CPA6: variants seen among roughly 807,000 people sequenced by gnomAD.
CPA6 encodes the protein carboxypeptidase B.
Under a neutral mutation model 63.3 loss-of-function variants are expected in CPA6, and 58 were observed. The observed-to-expected ratio is 0.92, with a 90% CI of 0.74 to 1.14. CPA6 has a LOEUF of 1.14. CPA6 is among the 50% of genes most tolerant of loss of function. CPA6 has a pLI of 0.00. For synonymous variants in CPA6, 185 were observed against 179.0 expected (o/e 1.03, Z -0.27); for missense variants, 565 against 526.6 (o/e 1.07, Z -0.71).
rs1206518472 is a variant in CPA6 at position 67,629,208 on chromosome 8, C to A, written c.117-4957G>T. Among the ~76,000 whole-genome samples the A allele has an allele frequency of 7.9e-5, 12 of 152,138 alleles. No individual in the cohort carries two copies. The East Asian group carries it at 1.7e-3, about 22-fold the overall frequency. On this transcript the variant is annotated intron_variant, in intron 1 of 10. Coordinates refer to ENST00000297770, the MANE Select transcript of CPA6 (RefSeq NM_020361.5). ...CATAGCTGGGTGTGGTGACTCATAC[C>A]TGCAATTCCAGAACTTGGGAGGCTG...
chr8:67,503,468 A>AT (rs869172205), intron 6 of CPA6, among the ~76,000 whole-genome samples: 6,776 of 126,042 alleles, frequency 0.054, 238 homozygotes, highest in African/African-American at 0.076. Context: ...AGCTAATTAA[A>AT]TTTTTTTTTT....
chr8:67,583,954 G>A (rs1482558027), intron 2 of CPA6, among the ~76,000 whole-genome samples: 2 of 151,880 alleles, frequency 1.3e-5, no homozygotes, highest in Non-Finnish European at 2.9e-5. Flanking sequence ...TCAGGAGATC[G>A]AGACCATCCT....
intron 2 of CPA6, among the ~76,000 whole-genome samples, chr8:67,549,508 C>T (rs990752849): frequency 6.6e-6 from 1 of 151,976 alleles, no homozygotes; most frequent in African/African-American, 2.4e-5. Flanking sequence ...TAAAATTTAC[C>T]CTCTCAGAAA....
intron 1 of CPA6, among the ~76,000 whole-genome samples, chr8:67,715,100 T>C (rs553978820): frequency 7.7e-4 from 117 of 152,240 alleles, no homozygotes; most frequent in Non-Finnish European, 1.3e-3. Context: ...TGTTTTTTTT[T>C]CCCGATACAA....
chr8:67,576,848 G>A (rs1564007292), intron 2 of CPA6, among the ~76,000 whole-genome samples: 1 of 150,858 alleles, frequency 6.6e-6, no homozygotes, highest in East Asian at 2.0e-4. Context: ...TAGACCAAGG[G>A]ACTTCAAGTC....
Position 67,428,138 on chromosome 8 carries a change from G to A in CPA6, c.1042-7C>T. 6.4e-7 allele frequency: 1 copy of A among 1,554,850 alleles called. No homozygotes were observed. Among genetic ancestry groups the A allele is most frequent in the Non-Finnish European group, 8.9e-7 (1 of 1,127,108 alleles). ...CTTTATAAGCTGCAGATTCCTATGA[G>A]GGAAAATGGGGAAATTTTATATATT... On this transcript the variant is annotated splice_region_variant and splice_polypyrimidine_tract_variant and intron_variant, in intron 9 of 10. Coordinates refer to ENST00000297770, the MANE Select transcript of CPA6 (RefSeq NM_020361.5).
chr8:67,641,487 C>T (rs1399368196), intron 1 of CPA6, among the ~76,000 whole-genome samples: 3 of 152,118 alleles, frequency 2.0e-5, no homozygotes, highest in Non-Finnish European at 4.4e-5. Context: ...ATTAGATGTA[C>T]CCAGACAAGG....
intron 2 of CPA6, among the ~76,000 whole-genome samples, chr8:67,566,857 T>A (rs542432864): frequency 5.4e-4 from 82 of 152,302 alleles, no homozygotes; most frequent in African/African-American, 1.9e-3. Context: ...CTGCAGATAA[T>A]CAAATGATAT....
intron 9 of CPA6, among the ~76,000 whole-genome samples, chr8:67,433,212 C>T (rs1222281368): frequency 6.6e-6 from 1 of 152,194 alleles, no homozygotes; most frequent in African/African-American, 2.4e-5. Flanking sequence ...AGGAATAGAA[C>T]TTCAGCAGCA....
At chr8:67,521,939 T>G (rs1357641229) in intron 2 of CPA6, among the ~76,000 whole-genome samples, 1 of 152,194 alleles carries the variant, frequency 6.6e-6, no homozygotes, top group Admixed American at 6.5e-5. Flanking sequence ...TTTGGTAAAT[T>G]GAAGATGATA....
At chr8:67,588,744 T>C (rs960278857) in intron 2 of CPA6, among the ~76,000 whole-genome samples, 1 of 152,218 alleles carries the variant, frequency 6.6e-6, no homozygotes, top group Non-Finnish European at 1.5e-5. Context: ...AGTCAGAATG[T>C]GGTGTTTCTT....
At chr8:67,534,021 T>C (rs546522211) in intron 2 of CPA6, among the ~76,000 whole-genome samples, 46 of 152,298 alleles carry the variant, frequency 3.0e-4, no homozygotes, top group Middle Eastern at 3.4e-3. Flanking sequence ...AATTCAGGTT[T>C]CTCTGGGCAG....
chr8:67,493,128 C>G (rs1031979802), intron 6 of CPA6, among the ~76,000 whole-genome samples: 1 of 152,172 alleles, frequency 6.6e-6, no homozygotes, highest in African/African-American at 2.4e-5. Context: ...CAGCTGAACT[C>G]ATTAGATACT....
At chr8:67,447,965 A>G (rs1042447707) in intron 8 of CPA6, among the ~76,000 whole-genome samples, 1 of 152,018 alleles carries the variant, frequency 6.6e-6, no homozygotes, top group Non-Finnish European at 1.5e-5. Flanking sequence ...TGGTATTTTT[A>G]GTAGAGACAG....
At chr8:67,452,415 G>C (rs970447985) in intron 8 of CPA6, 1 of 152,022 alleles carries the variant, frequency 6.6e-6, no homozygotes, top group East Asian at 1.9e-4. Context: ...CCCTTTATGG[G>C]GTTTTCTTCT....
intron 1 of CPA6, among the ~76,000 whole-genome samples, chr8:67,647,690 G>T (rs1815742586): frequency 6.6e-6 from 1 of 152,166 alleles, no homozygotes; most frequent in Non-Finnish European, 1.5e-5. Flanking sequence ...CAATAAAGAA[G>T]AAAACAATTA....
At chr8:67,475,661 A>G (rs1312633858) in intron 8 of CPA6, among the ~76,000 whole-genome samples, 1 of 152,076 alleles carries the variant, frequency 6.6e-6, no homozygotes, top group Non-Finnish European at 1.5e-5. Context: ...AGACCCAGAC[A>G]CACACCTGGC....
intron 8 of CPA6, among the ~76,000 whole-genome samples, chr8:67,476,768 A>G (rs149642180): frequency 6.6e-6 from 1 of 152,288 alleles, no homozygotes; most frequent in Admixed American, 6.5e-5. Context: ...TTTGAGCTCA[A>G]TTCGTAATCT....
intron 8 of CPA6, among the ~76,000 whole-genome samples, chr8:67,478,496 T>C (rs1293479380): frequency 6.6e-6 from 1 of 152,122 alleles, no homozygotes; most frequent in East Asian, 1.9e-4. Flanking sequence ...GGCAATCTTG[T>C]GGGACTGAGC....
Sources: allele counts gnomAD v4.1 joint callset (sites outside exome capture counted in the v4.1 genomes callset), GRCh38; gene constraint gnomAD v4.1.1; transcripts MANE v1.5; gene names NCBI Gene and HGNC (gene_info 2026-07-23, HGNC 2026-07-21).